Variants in RPH3A observed in about 807,000 individuals in gnomAD.
RPH3A encodes rabphilin 3A, also known as rabphilin-3A.
In RPH3A, 48 loss-of-function variants were observed where a neutral mutation model predicts 102.2. That is an observed-to-expected ratio of 0.47 (90% CI 0.37 to 0.60). The LOEUF (loss-of-function observed/expected upper bound fraction) is 0.60. Ranked by LOEUF, RPH3A falls within the 20% of genes least tolerant of loss-of-function variation. The pLI, the probability that RPH3A is intolerant of heterozygous loss-of-function variation, is 0.00. For missense variants in RPH3A, 781 were observed against 910.1 expected (o/e 0.86, Z 1.83); for synonymous variants, 310 against 324.3 (o/e 0.96, Z 0.47).
chr12:112,839,742 C>T (rs1200368903), intron 4 of RPH3A, among the ~76,000 whole-genome samples: 1 of 152,160 alleles, frequency 6.6e-6, no homozygotes, highest in African/African-American at 2.4e-5. Flanking sequence ...AATCCCAGCA[C>T]TTTGGGAGGC....
At chr12:112,577,734 G>T (rs2039369843) in intron 1 of RPH3A, among the ~76,000 whole-genome samples, 1 of 150,936 alleles carries the variant, frequency 6.6e-6, no homozygotes, top group African/African-American at 2.4e-5. Context: ...GTAGAGATGG[G>T]GCCTCACTTT....
At chr12:112,875,282 C>A in intron 11 of RPH3A, 112 bp downstream of exon 11, 1 of 810,930 alleles carries the variant, frequency 1.2e-6, no homozygotes, top group Non-Finnish European at 1.9e-6. Context: ...GCTGCAGCCA[C>A]AACTAAATCT....
At chr12:112,863,193 C>A (rs1264793286) in intron 5 of RPH3A, among the ~76,000 whole-genome samples, 1 of 152,214 alleles carries the variant, frequency 6.6e-6, no homozygotes, top group Admixed American at 6.5e-5. Context: ...AAATGTAGCA[C>A]CTCAGGCCCC....
rs1285968254 is a variant in RPH3A at position 112,875,706 on chromosome 12, C to A, written c.911C>A (p.Pro304His). The A allele has an allele frequency of 1.2e-6, 2 of 1,613,910 alleles. No homozygotes were observed. Among genetic ancestry groups the A allele is most frequent in the Admixed American group, 3.3e-5 (2 of 60,004 alleles). The change falls in exon 12 of 22, where the codon CCT becomes CAT. Residue 304 changes from proline (P) to histidine (H), a missense_variant. Coordinates refer to ENST00000389385, the MANE Select transcript of RPH3A (RefSeq NM_001143854.2). ...PGTPGGSRPG[P>H]GPAGRFPDQK... is the part of the protein sequence containing the mutation. Reference sequence around the variant, plus strand: ...ACCCCAGGAGGAAGCAGACCGGGTCCTGGGCCAGCAGGACGCTTTCCAGAT... The same window carrying A: ...ACCCCAGGAGGAAGCAGACCGGGTCATGGGCCAGCAGGACGCTTTCCAGAT...
chr12:112,652,881 C>T (rs996776537), intron 1 of RPH3A, among the ~76,000 whole-genome samples: 1 of 152,080 alleles, frequency 6.6e-6, no homozygotes, highest in Non-Finnish European at 1.5e-5. Flanking sequence ...TAGGTGATTT[C>T]GTTGTCATTT....
chr12:112,785,794 G>A (rs2041045389), intron 1 of RPH3A, among the ~76,000 whole-genome samples: 1 of 152,098 alleles, frequency 6.6e-6, no homozygotes, highest in African/African-American at 2.4e-5. Context: ...TCTAGAACCT[G>A]GCCTCTTAAC....
At chr12:112,753,187 C>A (rs536639242) in intron 1 of RPH3A, among the ~76,000 whole-genome samples, 11 of 152,150 alleles carry the variant, frequency 7.2e-5, no homozygotes, top group Admixed American at 4.6e-4. Context: ...TCCTGCTTTT[C>A]CATTATGGCC....
At chr12:112,701,965 C>T (rs1187856415) in intron 1 of RPH3A, among the ~76,000 whole-genome samples, 1 of 152,188 alleles carries the variant, frequency 6.6e-6, no homozygotes, top group Non-Finnish European at 1.5e-5. Context: ...TTCCCCATCA[C>T]CTCCATTTTT....
chr12:112,742,603 C>T (rs1024675596), intron 1 of RPH3A, among the ~76,000 whole-genome samples: 23 of 152,016 alleles, frequency 1.5e-4, no homozygotes, highest in Non-Finnish European at 2.4e-4. Context: ...GAATACAGTC[C>T]AGGGAAACCA....
At chr12:112,658,984 T>A (rs1264619327) in intron 1 of RPH3A, among the ~76,000 whole-genome samples, 1 of 152,184 alleles carries the variant, frequency 6.6e-6, no homozygotes, top group Non-Finnish European at 1.5e-5. Flanking sequence ...TCATATCTCA[T>A]GTAGTAGATA....
intron 1 of RPH3A, among the ~76,000 whole-genome samples, chr12:112,774,533 A>G (rs532647266): frequency 6.6e-6 from 1 of 152,336 alleles, no homozygotes; most frequent in East Asian, 1.9e-4. Context: ...CATCCTCATT[A>G]TAATAGGTCC....
At chr12:112,655,563 CTTTTT>C (rs71086113) in intron 1 of RPH3A, among the ~76,000 whole-genome samples, 16 of 55,584 alleles carry the variant, frequency 2.9e-4, no homozygotes, top group Non-Finnish European at 5.2e-4. Context: ...TTTTGTTGGT[CTTTTT>C]TTTTTTTTTT....
chr12:112,799,232 TA>T (rs1375565569), intron 2 of RPH3A, among the ~76,000 whole-genome samples: 6 of 152,012 alleles, frequency 3.9e-5, no homozygotes, highest in Non-Finnish European at 1.5e-5. Context: ...ATAAAAAAGT[TA>T]AACAATTAGC....
At chr12:112,830,386 T>C (rs958349926) in intron 3 of RPH3A, among the ~76,000 whole-genome samples, 6 of 152,166 alleles carry the variant, frequency 3.9e-5, no homozygotes, top group African/African-American at 1.4e-4. Flanking sequence ...GGCATTTTGG[T>C]TGGAGAATAT....
Position 112,672,856 on chromosome 12 carries a change from C to G in RPH3A, c.-140+97537C>G, listed in dbSNP as rs147562755. Among the ~76,000 whole-genome samples, 5 of 152,308 alleles carry G rather than the reference C, an allele frequency of 3.3e-5. No homozygotes were observed. In the East Asian group the frequency reaches 7.7e-4, roughly 24 times the overall value. On this transcript the variant is annotated intron_variant, in intron 1 of 21. Transcript: ENST00000543106. ...AGGCCTCCCAGCGCAGGTGCATGGTCTACTTTGGCTCCCAGAGTCCCTACG... is the reference window on the plus strand; with the variant it reads ...AGGCCTCCCAGCGCAGGTGCATGGTGTACTTTGGCTCCCAGAGTCCCTACG...
intron 1 of RPH3A, among the ~76,000 whole-genome samples, chr12:112,675,380 G>A (rs2136012142): frequency 6.6e-6 from 1 of 152,224 alleles, no homozygotes; most frequent in South Asian, 2.1e-4. Flanking sequence ...CTTTACTCAG[G>A]TCCAGGAATC....
intron 1 of RPH3A, among the ~76,000 whole-genome samples, chr12:112,607,116 A>G (rs1172469946): frequency 1.3e-5 from 2 of 152,192 alleles, no homozygotes; most frequent in African/African-American, 4.8e-5. Context: ...CTACTTATAG[A>G]TGCCACTTCC....
At chr12:112,749,461 C>T (rs1451222061) in intron 1 of RPH3A, among the ~76,000 whole-genome samples, 6 of 152,196 alleles carry the variant, frequency 3.9e-5, no homozygotes, top group Admixed American at 6.5e-5. Flanking sequence ...AGTTCCCTTT[C>T]TACTCTCCGA....
At chr12:112,620,279 G>T (rs1439852564) in intron 1 of RPH3A, among the ~76,000 whole-genome samples, 2 of 152,148 alleles carry the variant, frequency 1.3e-5, no homozygotes, top group African/African-American at 4.8e-5. Context: ...ACAGGCCCAT[G>T]CAGATCACAT....
Sources: gnomAD v4.1 joint callset for allele counts (sites outside exome capture counted in the v4.1 genomes callset) on GRCh38, gnomAD v4.1.1 for gene constraint, MANE v1.5 for transcripts, NCBI Gene and HGNC (gene_info 2026-07-23, HGNC 2026-07-21) for gene names.